SLCO3A1: variants seen among roughly 807,000 people sequenced by gnomAD.
The protein encoded by SLCO3A1 is PGE1 transporter.
Under a neutral mutation model 63.1 loss-of-function variants are expected in SLCO3A1, and 27 were observed. The ratio of observed to expected loss-of-function variants is 0.43; its 90% CI spans 0.32 to 0.59. SLCO3A1 has a LOEUF of 0.59. Among genes scored for constraint, SLCO3A1 ranks in the 20% least tolerant of loss-of-function variants. The pLI is 0.09. For synonymous variants in SLCO3A1, 473 were observed against 409.9 expected, an observed-to-expected ratio of 1.15 and a Z score of -1.86; for missense variants, 773 against 945.8, an observed-to-expected ratio of 0.82 and a Z score of 2.40.
chr15:92,085,418 G>A (rs1397871239), intron 2 of SLCO3A1, among the ~76,000 whole-genome samples: 1 of 152,220 alleles, frequency 6.6e-6, no homozygotes, highest in Admixed American at 6.5e-5. Context: ...TTAAGCTGCT[G>A]CCTGGAAGCC....
rs546925205 is a variant in SLCO3A1, at chr15:92,127,801, GT to G, written c.1374-548del. Among the ~76,000 whole-genome samples, 324 of 152,300 alleles carry G rather than the reference GT, an allele frequency of 2.1e-3. 3 individuals are homozygous for G. The highest frequency in any genetic ancestry group is 7.6e-3 in the African/African-American group (314 of 41,552). Reference sequence around the variant, plus strand: ...GACAATAATTATTGAAGTCAGTCTGGTTGAAGCAGTGTAGTAAGTAAGCATC... The same window carrying G: ...GACAATAATTATTGAAGTCAGTCTGGTGAAGCAGTGTAGTAAGTAAGCATC... On this transcript the variant is annotated intron_variant, in intron 6 of 9. Coordinates refer to ENST00000318445, the MANE Select transcript of SLCO3A1 (RefSeq NM_013272.4).
rs2046123571 is a variant in SLCO3A1 at position 91,991,297 on chromosome 15, T to A, written c.646+74839T>A. ...TGGGGGATCACTTGAACCCAGGAGA[T>A]CTGCAGTGAGCCATGATGGCACTAC... is the stretch of plus-strand genomic sequence containing the variant. On this transcript the variant is annotated intron_variant, in intron 2 of 9. Transcript: ENST00000318445. 2.0e-5 allele frequency among the ~76,000 whole-genome samples: 3 copies of A among 152,198 alleles called. No homozygotes were observed. In the East Asian group the frequency reaches 5.8e-4, roughly 29 times the overall value.
In SLCO3A1 at chr15:91,948,689, G is replaced by C. The variant is rs150567226; in HGVS notation, c.646+32231G>C. ...GCTGGGTTTTCCTGCCCTGAGAAGA[G>C]AGGGCCGTCCAAGGAATAGGAGAGC... On this transcript the variant is annotated intron_variant, in intron 2 of 9. Coordinates refer to ENST00000318445, the MANE Select transcript of SLCO3A1 (RefSeq NM_013272.4). This position sits in a 1 kb window ranked among gnomAD's most constrained non-coding sequence, Gnocchi z 4.8. Among the ~76,000 whole-genome samples, 2 of 152,312 alleles carry C rather than the reference G, an allele frequency of 1.3e-5. No homozygotes were observed. The highest frequency in any genetic ancestry group is 3.9e-4 in the East Asian group (2 of 5,176).
At chr15:92,148,154 G>A (rs779526192) in intron 8 of SLCO3A1, among the ~76,000 whole-genome samples, 2 of 152,246 alleles carry the variant, frequency 1.3e-5, no homozygotes, top group Non-Finnish European at 2.9e-5. Flanking sequence ...GTTGCAGTGA[G>A]CTGAGGTCAT....
intron 1 of SLCO3A1, among the ~76,000 whole-genome samples, chr15:91,858,228 T>G (rs1160652753): frequency 6.6e-6 from 1 of 152,184 alleles, no homozygotes; most frequent in East Asian, 1.9e-4. Flanking sequence ...GAGACATTTT[T>G]AAAGTCCTTG....
chr15:92,060,384 AC>A (rs1327174698), intron 2 of SLCO3A1, among the ~76,000 whole-genome samples: 5 of 151,818 alleles, frequency 3.3e-5, no homozygotes, highest in African/African-American at 1.2e-4. Flanking sequence ...ACATCGCGAA[AC>A]CCTGTCTCTA....
intron 1 of SLCO3A1, among the ~76,000 whole-genome samples, chr15:91,877,890 GCCAC>G (rs1897441118): frequency 2.6e-5 from 4 of 152,048 alleles, no homozygotes; most frequent in African/African-American, 4.8e-5. Flanking sequence ...TTTGGATGGA[GCCAC>G]CCTTCCAGCT....
At chr15:91,985,282 C>T (rs1468482056) in intron 2 of SLCO3A1, among the ~76,000 whole-genome samples, 6 of 152,152 alleles carry the variant, frequency 3.9e-5, no homozygotes, top group Non-Finnish European at 8.8e-5. Context: ...TTGGATTGAT[C>T]CATGTTGTCA....
intron 1 of SLCO3A1, among the ~76,000 whole-genome samples, chr15:91,861,398 A>G (rs1897043358): frequency 6.6e-6 from 1 of 152,176 alleles, no homozygotes; most frequent in South Asian, 2.1e-4. Flanking sequence ...TTTTGAGTCG[A>G]GTGCCTCTGA....
At chr15:92,083,002 T>C (rs1011181734) in intron 2 of SLCO3A1, among the ~76,000 whole-genome samples, 1 of 152,210 alleles carries the variant, frequency 6.6e-6, no homozygotes, top group African/African-American at 2.4e-5. Flanking sequence ...ATGATTGACC[T>C]TGAATAAATC....
downstream of SLCO3A1, among the ~76,000 whole-genome samples, chr15:92,169,071 A>G (rs960235536): frequency 9.2e-5 from 14 of 152,238 alleles, no homozygotes; most frequent in Non-Finnish European, 1.9e-4. Context: ...CACTAATAAT[A>G]GTAGCTAACA....
chr15:92,135,291 CAAAT>C (rs1252985382), intron 7 of SLCO3A1, among the ~76,000 whole-genome samples: 1 of 152,120 alleles, frequency 6.6e-6, no homozygotes, highest in East Asian at 1.9e-4. Context: ...TTCTGCTCCC[CAAAT>C]AAAAACCCCC....
At chr15:92,109,040 A>G (rs1171041526) in intron 4 of SLCO3A1, among the ~76,000 whole-genome samples, 1 of 152,208 alleles carries the variant, frequency 6.6e-6, no homozygotes, top group Non-Finnish European at 1.5e-5. Context: ...CATAGCATGT[A>G]GGTGATACTG....
chr15:92,072,481 T>C (rs1336466737), intron 2 of SLCO3A1, among the ~76,000 whole-genome samples: 1 of 152,208 alleles, frequency 6.6e-6, no homozygotes, highest in Non-Finnish European at 1.5e-5. Flanking sequence ...TGGGCCTGTT[T>C]TTCTTTAAAC....
intron 1 of SLCO3A1, among the ~76,000 whole-genome samples, chr15:91,855,907 C>G (rs978246631): frequency 4.1e-4 from 63 of 152,040 alleles, no homozygotes; most frequent in African/African-American, 1.5e-3. Flanking sequence ...TCATGTGTGG[C>G]AAACACCCGC....
intron 1 of SLCO3A1, among the ~76,000 whole-genome samples, chr15:91,876,191 A>G (rs1429810735): frequency 6.6e-6 from 1 of 152,228 alleles, no homozygotes; most frequent in Non-Finnish European, 1.5e-5. Flanking sequence ...TCTTGTCTTC[A>G]GCTTTCACTC....
rs189899088 is a variant in SLCO3A1 at position 92,038,644 on chromosome 15, G to A, written c.647-56237G>A. The stretch of plus-strand genomic sequence containing the variant: ...CAAAACATTCCATCCTCCTGGATAG[G>A]AAGAATCAATATTGTGAAAATGGCC... On this transcript the variant is annotated intron_variant, in intron 2 of 9. Transcript: ENST00000318445. Among the ~76,000 whole-genome samples, 210 of 152,256 alleles carry A rather than the reference G, an allele frequency of 1.4e-3. 1 individual carries two copies. The highest frequency in any genetic ancestry group is 4.7e-3 in the African/African-American group (195 of 41,564).
chr15:92,021,676 T>C (rs2046511069), intron 2 of SLCO3A1, among the ~76,000 whole-genome samples: 1 of 152,222 alleles, frequency 6.6e-6, no homozygotes, highest in South Asian at 2.1e-4. Context: ...TATTACATGC[T>C]AAGCATTAAG....
At chr15:91,855,894 T>C (rs1896906829) in intron 1 of SLCO3A1, among the ~76,000 whole-genome samples, 1 of 152,094 alleles carries the variant, frequency 6.6e-6, no homozygotes, top group African/African-American at 2.4e-5. Context: ...TAGAGTGCAT[T>C]ATTCATGTGT....
Sources: gnomAD v4.1 joint callset for allele counts (sites outside exome capture counted in the v4.1 genomes callset) on GRCh38, gnomAD v4.1.1 for gene constraint, Gnocchi (gnomAD v3.1) non-coding constraint, MANE v1.5 for transcripts, NCBI Gene and HGNC (gene_info 2026-07-23, HGNC 2026-07-21) for gene names.